TRABD2B: variants seen among roughly 807,000 people sequenced by gnomAD.
TRABD2B encodes TraB domain containing 2B, also known as metalloprotease TIKI2.
Under a neutral mutation model 40.1 loss-of-function variants are expected in TRABD2B, and 14 were observed. The observed-to-expected ratio is 0.35, with a 90% CI of 0.23 to 0.55. The LOEUF (loss-of-function observed/expected upper bound fraction) is 0.55, where lower values mean the gene tolerates loss of function less well. Among genes scored for constraint, TRABD2B ranks in the 20% least tolerant of loss-of-function variants. The pLI, the probability that TRABD2B is intolerant of heterozygous loss-of-function variation, is 0.90. For synonymous variants in TRABD2B, 263 were observed against 277.0 expected (o/e 0.95, Z 0.50); for missense variants, 541 against 648.6 (o/e 0.83, Z 1.80).
intron 2 of TRABD2B, among the ~76,000 whole-genome samples, chr1:47,840,715 T>C (rs1645384916): frequency 6.6e-6 from 1 of 152,174 alleles, no homozygotes; most frequent in Non-Finnish European, 1.5e-5. Flanking sequence ...AGCTCCAAAC[T>C]CCCTGCTGGC....
intron 2 of TRABD2B, among the ~76,000 whole-genome samples, chr1:47,991,346 A>G (rs1045853751): frequency 1.3e-5 from 2 of 152,200 alleles, no homozygotes; most frequent in African/African-American, 4.8e-5. Flanking sequence ...TGTCAGGGCT[A>G]GAAGGAGCTT....
At chr1:47,879,802 AC>A (rs1644276609) in intron 2 of TRABD2B, among the ~76,000 whole-genome samples, 1 of 150,384 alleles carries the variant, frequency 6.6e-6, no homozygotes, top group South Asian at 2.1e-4. Context: ...GAGTGGGGAG[AC>A]CCCAGAGTCC....
intron 2 of TRABD2B, among the ~76,000 whole-genome samples, chr1:47,866,298 G>A (rs544567709): frequency 3.9e-5 from 6 of 152,248 alleles, no homozygotes; most frequent in South Asian, 4.2e-4. Context: ...CAGTATCTCA[G>A]TTCAGGGCTG....
At chr1:47,805,882 G>A (rs1644884638) in intron 2 of TRABD2B, among the ~76,000 whole-genome samples, 1 of 152,122 alleles carries the variant, frequency 6.6e-6, no homozygotes. Context: ...AGCTGGAGAG[G>A]GATGGATCAG....
intron 2 of TRABD2B, among the ~76,000 whole-genome samples, chr1:47,984,770 G>A (rs1256124999): frequency 6.6e-6 from 1 of 151,942 alleles, no homozygotes; most frequent in Non-Finnish European, 1.5e-5. Context: ...TCTCCTCAGG[G>A]CCAAGGAAGC....
At chr1:47,855,406 T>C (rs1643880763) in intron 2 of TRABD2B, among the ~76,000 whole-genome samples, 1 of 152,268 alleles carries the variant, frequency 6.6e-6, no homozygotes, top group Non-Finnish European at 1.5e-5. Flanking sequence ...GCATTTTTAC[T>C]CTTCTATTAC....
At chr1:47,893,504 C>T (rs1452006795) in intron 2 of TRABD2B, among the ~76,000 whole-genome samples, 1 of 152,208 alleles carries the variant, frequency 6.6e-6, no homozygotes, top group Non-Finnish European at 1.5e-5. Flanking sequence ...TTTAGGAAAG[C>T]CCTACTTTTA....
At chr1:47,861,283 T>G (rs1245443684) in intron 2 of TRABD2B, among the ~76,000 whole-genome samples, 7 of 144,244 alleles carry the variant, frequency 4.9e-5, no homozygotes, top group Admixed American at 2.8e-4. Flanking sequence ...ATGGTGGTGG[T>G]GGGGGTGGCG....
intron 2 of TRABD2B, among the ~76,000 whole-genome samples, chr1:47,925,995 C>A (rs1335846793): frequency 6.6e-6 from 1 of 152,116 alleles, no homozygotes; most frequent in East Asian, 1.9e-4. Context: ...CTGTGTCATT[C>A]ATATAAGTGT....
intron 4 of TRABD2B, among the ~76,000 whole-genome samples, chr1:47,793,041 C>T (rs1161086919): frequency 1.3e-5 from 2 of 152,122 alleles, no homozygotes. Flanking sequence ...ACACCGAGCT[C>T]CCAGCAGGTG....
At position 47,944,480 on chromosome 1, in the gene TRABD2B, G is replaced by C. The variant is rs542513653; in HGVS notation, c.666+49554C>G. Among the ~76,000 whole-genome samples the C allele has an allele frequency of 1.1e-3, 175 of 152,292 alleles. 2 individuals are homozygous for C. Among genetic ancestry groups the C allele is most frequent in the Admixed American group, 2.4e-3 (37 of 15,292 alleles). Reference sequence around the variant, plus strand: ...TCACTGGGAGTAATGCTTACGAAAGGCAAAGGACAGAAGAAGCACAAGTAG... The same window carrying C: ...TCACTGGGAGTAATGCTTACGAAAGCCAAAGGACAGAAGAAGCACAAGTAG... On this transcript the variant is annotated intron_variant, in intron 2 of 6. Transcript: ENST00000606738.
intron 2 of TRABD2B, among the ~76,000 whole-genome samples, chr1:47,973,898 G>T (rs1435191026): frequency 1.3e-5 from 2 of 152,180 alleles, no homozygotes; most frequent in Non-Finnish European, 2.9e-5. Flanking sequence ...GAGCTCCGGA[G>T]TTCGAGACCA....
intron 6 of TRABD2B, among the ~76,000 whole-genome samples, chr1:47,770,904 A>G (rs1057488946): frequency 5.3e-5 from 8 of 152,224 alleles, no homozygotes; most frequent in African/African-American, 1.9e-4. Context: ...ACCGAGTGTT[A>G]CTGGTGGTCT....
intron 2 of TRABD2B, among the ~76,000 whole-genome samples, chr1:47,898,289 G>A (rs1057380977): frequency 6.6e-6 from 1 of 152,206 alleles, no homozygotes; most frequent in Non-Finnish European, 1.5e-5. Flanking sequence ...CAATCTTTGA[G>A]CCCGGGCTGC....
At chr1:47,991,471 AC>A (rs1226943590) in intron 2 of TRABD2B, among the ~76,000 whole-genome samples, 1 of 152,134 alleles carries the variant, frequency 6.6e-6, no homozygotes, top group Non-Finnish European at 1.5e-5. Context: ...TGGGTCTAGC[AC>A]CCTCAGTTTA....
At chr1:47,821,409 G>A (rs185604625) in intron 2 of TRABD2B, among the ~76,000 whole-genome samples, 1 of 152,378 alleles carries the variant, frequency 6.6e-6, no homozygotes, top group Admixed American at 6.5e-5. Flanking sequence ...TTTGAGGAAT[G>A]GTAGGGGCCC....
At chr1:47,903,439 T>G (rs1451611880) in intron 2 of TRABD2B, among the ~76,000 whole-genome samples, 1 of 151,654 alleles carries the variant, frequency 6.6e-6, no homozygotes, top group Non-Finnish European at 1.5e-5. Context: ...AGAAAAACGG[T>G]TGGGAATCAT....
intron 2 of TRABD2B, among the ~76,000 whole-genome samples, chr1:47,906,043 GGCTCAGAGAGTGGCACACCCTT>G (rs1423330116): frequency 2.0e-5 from 3 of 152,178 alleles, no homozygotes; most frequent in African/African-American, 7.2e-5. Flanking sequence ...AGTAAACAAT[GGCTCAGAGAGTGGCACACCCTT>G]GCTCAAGGTC....
chr1:47,779,067 G>A (rs1479368255), intron 4 of TRABD2B, among the ~76,000 whole-genome samples: 31 of 152,184 alleles, frequency 2.0e-4, no homozygotes, highest in Admixed American at 2.0e-3. Context: ...GCATGGGAGT[G>A]GGGTTCTGTG....
Sources: gnomAD v4.1 joint callset for allele counts (sites outside exome capture counted in the v4.1 genomes callset) on GRCh38, gnomAD v4.1.1 for gene constraint, MANE v1.5 for transcripts, NCBI Gene and HGNC (gene_info 2026-07-23, HGNC 2026-07-21) for gene names.